The following TMEM14B variants were observed in gnomAD, a reference collection of about 807,000 sequenced individuals.
TMEM14B encodes transmembrane protein 14B.
Under a neutral mutation model 14.8 loss-of-function variants are expected in TMEM14B, and 9 were observed. The ratio of observed to expected loss-of-function variants is 0.61; its 90% CI spans 0.37 to 1.06. TMEM14B has a LOEUF of 1.06. Ranked by LOEUF, TMEM14B falls within the 50% of genes least tolerant of loss-of-function variation. TMEM14B has a pLI of 0.01. For synonymous variants in TMEM14B, 40 were observed against 51.3 expected, an observed-to-expected ratio of 0.78 and a Z score of 0.94; for missense variants, 128 against 143.6, an observed-to-expected ratio of 0.89 and a Z score of 0.56.
chr6:10,758,811 C>A (rs534958955), downstream of TMEM14B: 1 of 151,702 alleles, frequency 6.6e-6, no homozygotes, highest in Non-Finnish European at 1.5e-5. Flanking sequence ...TAGGTAAGGA[C>A]GGGGCAAATG....
intron 5 of TMEM14B, chr6:10,755,715 G>A (rs572473217): frequency 2.0e-6 from 2 of 998,690 alleles, no homozygotes; most frequent in South Asian, 8.1e-5. Context: ...AGCACAGTGG[G>A]AGGCCATGGC....
intron 3 of TMEM14B, 28 bp from the exon 4 acceptor site, chr6:10,751,105 A>G: frequency 6.2e-7 from 1 of 1,612,210 alleles, no homozygotes; most frequent in Non-Finnish European, 8.5e-7. Context: ...CTGACATTAC[A>G]ATGCAAGCTG....
Position 10,749,631 on chromosome 6 carries a change from G to A in TMEM14B, c.33G>A (p.Leu11=). The A allele has an allele frequency of 6.2e-7, 1 of 1,614,242 alleles. No homozygotes were observed. The highest frequency in any genetic ancestry group is 1.1e-5 in the South Asian group (1 of 91,086). The change falls in exon 3 of 6, where the codon TTG becomes TTA. Residue 11 remains leucine, a synonymous_variant. Transcript: ENST00000379542. ...TCTCTTGTGTTTTCAGAGTGCCTTT[G>A]CATTGGTTTGGCTTTGGCTACACAG... MEKPLFPLVP[L]HWFGFGYTAL...
downstream of TMEM14B, among the ~76,000 whole-genome samples, chr6:10,758,085 C>T (rs769958123): frequency 2.0e-5 from 3 of 152,048 alleles, no homozygotes; most frequent in Non-Finnish European, 4.4e-5. Flanking sequence ...TTTGCATAAG[C>T]CCCTGGATGG....
At chr6:10,754,065 G>A (rs1771702838) in intron 4 of TMEM14B, among the ~76,000 whole-genome samples, 1 of 152,128 alleles carries the variant, frequency 6.6e-6, no homozygotes, top group African/African-American at 2.4e-5. Context: ...CCGAGCTCAG[G>A]AGTTGGAGAC....
At chr6:10,750,388 G>A (rs980627540) in intron 3 of TMEM14B, among the ~76,000 whole-genome samples, 6 of 142,364 alleles carry the variant, frequency 4.2e-5, no homozygotes, top group Admixed American at 7.5e-5. Context: ...AGTTCTCTCG[G>A]CCTTGAAGAA....
intron 5 of TMEM14B, 147 bp downstream of exon 5, chr6:10,755,379 C>CA (rs1771765493): frequency 2.0e-6 from 3 of 1,525,904 alleles, no homozygotes; most frequent in Non-Finnish European, 2.6e-6. Context: ...GGAGATGCTT[C>CA]AAAAACAATA....
chr6:10,751,104 C>A (rs1339533451), intron 3 of TMEM14B, 29 bp from the exon 4 acceptor site: 2 of 1,611,914 alleles, frequency 1.2e-6, no homozygotes, highest in East Asian at 4.5e-5. Context: ...CCTGACATTA[C>A]AATGCAAGCT....
chr6:10,750,365 G>A (rs753818065), intron 3 of TMEM14B, among the ~76,000 whole-genome samples: 13 of 142,970 alleles, frequency 9.1e-5, no homozygotes, highest in Non-Finnish European at 1.2e-4. Flanking sequence ...CCTAAAAGAC[G>A]GCTAACACTC....
chr6:10,749,298 G>C (rs1371104011), intron 2 of TMEM14B, 30 bp downstream of exon 2: 1 of 1,613,710 alleles, frequency 6.2e-7, no homozygotes, highest in Non-Finnish European at 8.5e-7. Flanking sequence ...TTAGAGAGTA[G>C]CCAGGAGCTT....
intron 5 of TMEM14B, 103 bp downstream of exon 5, chr6:10,755,335 A>C: frequency 1.3e-6 from 2 of 1,580,898 alleles, no homozygotes; most frequent in East Asian, 2.3e-5. Context: ...ATCTGATGCT[A>C]TGCATCAACT....
chr6:10,756,891 ATCTTT>A lies in TMEM14B; in HGVS notation c.*380_*384del, dbSNP rs1771827203. ...AAAAATCTCTTGAGAGATTTAGAAT[ATCTTT>A]TCTTTTGCTCATCTTAGACCACAGA... On this transcript the variant is annotated 3_prime_UTR_variant, in exon 6 of 6. Coordinates refer to ENST00000379542, the MANE Select transcript of TMEM14B (RefSeq NM_030969.5). 1.0e-6 allele frequency: 1 copy of A among 989,310 alleles called. No homozygotes were observed. Among genetic ancestry groups the A allele is most frequent in the Non-Finnish European group, 1.2e-6 (1 of 832,658 alleles). The allele number at this position is 989,310 out of a possible 1,614,324, so 61.3% of individuals were successfully genotyped here.
chr6:10,749,137 C>CA, intron 1 of TMEM14B, 65 bp from the exon 2 acceptor site: 2 of 1,113,900 alleles, frequency 1.8e-6, no homozygotes, highest in Non-Finnish European at 2.7e-6. Context: ...AGGTTGGACA[C>CA]ACTTCTTTCT....
intron 1 of TMEM14B, 105 bp downstream of exon 1, chr6:10,747,986 C>A (rs1771394888): frequency 6.6e-6 from 1 of 152,284 alleles, no homozygotes; most frequent in Non-Finnish European, 1.5e-5. Context: ...CCCCCCGATT[C>A]AGCGGGCCTT....
chr6:10,749,830 T>A (rs922616779), intron 3 of TMEM14B, 132 bp downstream of exon 3: 12 of 1,025,640 alleles, frequency 1.2e-5, no homozygotes, highest in Non-Finnish European at 1.8e-5. Context: ...AGTGCAGGCT[T>A]CCTTGTCAGT....
downstream of TMEM14B, among the ~76,000 whole-genome samples, chr6:10,757,493 G>GA (rs1230941972): frequency 1.3e-5 from 2 of 151,988 alleles, no homozygotes; most frequent in Non-Finnish European, 2.9e-5. Context: ...AAAAGAAGAA[G>GA]AAAAAAAGTG....
chr6:10,754,039 C>G (rs949399654), intron 4 of TMEM14B, among the ~76,000 whole-genome samples: 1 of 152,022 alleles, frequency 6.6e-6, no homozygotes, highest in East Asian at 1.9e-4. Flanking sequence ...TTTGGGAGGC[C>G]AAGGCAGGCG....
chr6:10,749,238 A>G lies in TMEM14B; in HGVS notation c.-8A>G. On this transcript the variant is annotated 5_prime_UTR_variant, in exon 2 of 6. Coordinates refer to ENST00000379542, the MANE Select transcript of TMEM14B (RefSeq NM_030969.5). ...GGGTAGTCTCCTTTCTGGACTGAGA[A>G]GAGAAGAATGGAGAAGCCCCTCTTC... is the stretch of plus-strand genomic sequence containing the variant. 6.2e-7 allele frequency: 1 copy of G among 1,614,160 alleles called. No individual in the cohort carries two copies. Among genetic ancestry groups the G allele is most frequent in the Non-Finnish European group, 8.5e-7 (1 of 1,179,988 alleles).
In TMEM14B at chr6:10,749,233, TGAGAA is replaced by T. The variant is rs1410847210; in HGVS notation, c.-5_-1del. The T allele has an allele frequency of 5.0e-6, 8 of 1,614,152 alleles. 1 individual carries two copies. Among genetic ancestry groups the T allele is most frequent in the Middle Eastern group, 1.6e-4 (1 of 6,062 alleles). On this transcript the variant is annotated 5_prime_UTR_variant, in exon 2 of 6. Coordinates refer to ENST00000379542, the MANE Select transcript of TMEM14B (RefSeq NM_030969.5). ...GCCTGGGGTAGTCTCCTTTCTGGACTGAGAAGAGAAGAATGGAGAAGCCCCTCTTC... is the reference window on the plus strand; with the variant it reads ...GCCTGGGGTAGTCTCCTTTCTGGACTGAGAAGAATGGAGAAGCCCCTCTTC...
Sources: allele counts gnomAD v4.1 joint callset (sites outside exome capture counted in the v4.1 genomes callset), GRCh38; gene constraint gnomAD v4.1.1; transcripts MANE v1.5; gene names NCBI Gene and HGNC (gene_info 2026-07-23, HGNC 2026-07-21).